Variants in BTBD9 observed in about 807,000 individuals in gnomAD.
BTBD9 encodes BTB domain containing 9, also known as BTB/POZ domain-containing protein 9.
Under a neutral mutation model 64.3 loss-of-function variants are expected in BTBD9, and 49 were observed. The ratio of observed to expected loss-of-function variants is 0.76; its 90% confidence interval spans 0.61 to 0.97. The LOEUF (loss-of-function observed/expected upper bound fraction) is 0.97. Among genes scored for constraint, BTBD9 ranks in the 50% least tolerant of loss-of-function variants. The pLI is 0.00. For synonymous variants in BTBD9, 260 were observed against 274.7 expected, an observed-to-expected ratio of 0.95 and a Z score of 0.53; for missense variants, 598 against 762.1, an observed-to-expected ratio of 0.78 and a Z score of 2.53.
At chr6:38,630,492 T>A (rs1778325917) in intron 1 of BTBD9, among the ~76,000 whole-genome samples, 1 of 152,186 alleles carries the variant, frequency 6.6e-6, no homozygotes, top group Non-Finnish European at 1.5e-5. Context: ...CAACTTTCTC[T>A]TCAACAGTTC....
chr6:38,596,090 C>T (rs1777020521), intron 2 of BTBD9: 2 of 981,974 alleles, frequency 2.0e-6, no homozygotes, highest in African/African-American at 3.5e-5. Context: ...GCTATTATGA[C>T]AGCACTTAGG....
At chr6:38,592,131 G>C (rs1486098745) in intron 4 of BTBD9, among the ~76,000 whole-genome samples, 1 of 150,544 alleles carries the variant, frequency 6.6e-6, no homozygotes, top group Non-Finnish European at 1.5e-5. Context: ...GCAGTGAGCC[G>C]AGATTGCAAC....
At chr6:38,497,902 C>A (rs1772023682) in intron 6 of BTBD9, among the ~76,000 whole-genome samples, 1 of 152,104 alleles carries the variant, frequency 6.6e-6, no homozygotes, top group Non-Finnish European at 1.5e-5. Context: ...TGCAAGCAAC[C>A]CACTGAGGTA....
At chr6:38,269,471 G>A (rs894900233) in intron 8 of BTBD9, among the ~76,000 whole-genome samples, 1 of 152,136 alleles carries the variant, frequency 6.6e-6, no homozygotes, top group Non-Finnish European at 1.5e-5. Flanking sequence ...TCAAAGCTGG[G>A]ATCACAAGTT....
intron 7 of BTBD9, among the ~76,000 whole-genome samples, chr6:38,311,111 T>C (rs73422824): frequency 0.093 from 14,171 of 152,176 alleles, 1,592 homozygotes; most frequent in East Asian, 0.4. Context: ...GCACCCGGCC[T>C]TTCTAGTTAT....
Position 38,588,523 on chromosome 6 carries a change from T to C in BTBD9, c.814+4053A>G, listed in dbSNP as rs550797076. 191 of 824,966 alleles carry C rather than the reference T, an allele frequency of 2.3e-4. No individual in the cohort carries two copies. The African/African-American group carries it at 2.9e-3, about 12-fold the overall frequency. 51.1% of individuals were successfully genotyped at this position (824,966 alleles called of 1,614,324 possible). A position where few individuals can be genotyped will look rare whatever the true frequency, so the allele number is the denominator to read the frequency against. On this transcript the variant is annotated intron_variant, in intron 4 of 10. Coordinates refer to ENST00000481247, the MANE Select transcript of BTBD9 (RefSeq NM_001099272.2). ...GCTATACCAAACCTGGACCTGGTTA[T>C]CGATAACGAGGCTTATCTACACCAA...
intron 6 of BTBD9, among the ~76,000 whole-genome samples, chr6:38,567,844 A>G (rs932732777): frequency 2.0e-5 from 3 of 152,102 alleles, no homozygotes; most frequent in Non-Finnish European, 2.9e-5. Flanking sequence ...TTTCCTGTGG[A>G]AAAAAAATAT....
At chr6:38,410,022 T>C (rs1767341342) in intron 6 of BTBD9, among the ~76,000 whole-genome samples, 1 of 152,154 alleles carries the variant, frequency 6.6e-6, no homozygotes, top group African/African-American at 2.4e-5. Flanking sequence ...TTCTGGGCTC[T>C]AACACATCAA....
At chr6:38,407,531 T>C (rs1767223052) in intron 6 of BTBD9, among the ~76,000 whole-genome samples, 1 of 152,120 alleles carries the variant, frequency 6.6e-6, no homozygotes, top group Non-Finnish European at 1.5e-5. Flanking sequence ...CAGCAGCCCC[T>C]TGCAGAGTCT....
intron 6 of BTBD9, among the ~76,000 whole-genome samples, chr6:38,540,849 AT>A (rs1397781658): frequency 6.6e-6 from 1 of 152,226 alleles, no homozygotes; most frequent in Non-Finnish European, 1.5e-5. Context: ...AAAACATAAA[AT>A]CACTACTCTG....
At chr6:38,183,206 T>C (rs1332710948) in intron 10 of BTBD9, among the ~76,000 whole-genome samples, 2 of 152,210 alleles carry the variant, frequency 1.3e-5, no homozygotes, top group African/African-American at 4.8e-5. Context: ...GGTCTCGATC[T>C]GACCTCGTGA....
chr6:38,444,277 C>T (rs1355838410), intron 6 of BTBD9, among the ~76,000 whole-genome samples: 1 of 152,140 alleles, frequency 6.6e-6, no homozygotes, highest in Non-Finnish European at 1.5e-5. Flanking sequence ...GTGTTATTCA[C>T]TACAGTAAAT....
intron 4 of BTBD9, 93 bp downstream of exon 4, chr6:38,592,483 T>C (rs148146524): frequency 2.3e-6 from 3 of 1,324,316 alleles, no homozygotes; most frequent in South Asian, 2.6e-5. Flanking sequence ...CATGTACACC[T>C]GCACTACACG....
intron 9 of BTBD9, among the ~76,000 whole-genome samples, chr6:38,229,793 C>T (rs777541900): frequency 3.9e-5 from 6 of 152,208 alleles, no homozygotes; most frequent in Non-Finnish European, 8.8e-5. Context: ...TAAATTCCAT[C>T]CTGTTGGTTT....
intron 8 of BTBD9, among the ~76,000 whole-genome samples, chr6:38,266,778 T>A (rs1388164900): frequency 1.3e-5 from 2 of 152,174 alleles, no homozygotes; most frequent in Non-Finnish European, 2.9e-5. Flanking sequence ...ATTCTTATAT[T>A]TTGGAAAGTG....
intron 6 of BTBD9, among the ~76,000 whole-genome samples, chr6:38,469,922 AG>A (rs1181249118): frequency 6.6e-6 from 1 of 152,226 alleles, no homozygotes; most frequent in African/African-American, 2.4e-5. Context: ...TTCAAAATTG[AG>A]CACGTACACA....
chr6:38,472,552 C>T (rs1387701129), intron 6 of BTBD9, among the ~76,000 whole-genome samples: 1 of 151,992 alleles, frequency 6.6e-6, no homozygotes, highest in Non-Finnish European at 1.5e-5. Flanking sequence ...TATATGAAAT[C>T]CAGATTTGCC....
At chr6:38,478,153 G>A (rs1465761694) in intron 6 of BTBD9, among the ~76,000 whole-genome samples, 1 of 152,160 alleles carries the variant, frequency 6.6e-6, no homozygotes, top group African/African-American at 2.4e-5. Context: ...CTACCAGGAA[G>A]GGGGAGGGGG....
intron 9 of BTBD9, among the ~76,000 whole-genome samples, chr6:38,220,709 T>C (rs1358532029): frequency 6.6e-6 from 1 of 152,254 alleles, no homozygotes; most frequent in African/African-American, 2.4e-5. Context: ...TTTTACAATG[T>C]TGTGCAACAC....
Sources: gnomAD v4.1 joint callset for allele counts (sites outside exome capture counted in the v4.1 genomes callset) on GRCh38, gnomAD v4.1.1 for gene constraint, MANE v1.5 for transcripts, NCBI Gene and HGNC (gene_info 2026-07-23, HGNC 2026-07-21) for gene names.